Variants in GABRB3 observed in about 807,000 individuals in gnomAD.
GABRB3 encodes gamma-aminobutyric acid type A receptor subunit beta3.
A neutral mutation model predicts 52.1 loss-of-function variants in GABRB3; 14 were observed. The observed-to-expected ratio is 0.27, with a 90% CI of 0.18 to 0.42. The LOEUF (loss-of-function observed/expected upper bound fraction) is 0.42. Ranked by LOEUF, GABRB3 falls within the 10% of genes least tolerant of loss-of-function variation. The pLI is 1.00. For synonymous variants in GABRB3, 260 were observed against 232.3 expected, an observed-to-expected ratio of 1.12 and a Z score of -1.08; for missense variants, 307 against 609.1, an observed-to-expected ratio of 0.50 and a Z score of 5.22.
intron 4 of GABRB3, among the ~76,000 whole-genome samples, chr15:26,589,005 C>T (rs568832593): frequency 7.2e-5 from 11 of 152,200 alleles, no homozygotes; most frequent in Non-Finnish European, 1.2e-4. Flanking sequence ...ATTCTGGTGA[C>T]GCACTGTCTT....
chr15:26,772,346 G>C lies in GABRB3; in HGVS notation c.240+56C>G, dbSNP rs1360893929. On this transcript the variant is annotated intron_variant, in intron 3 of 8. Transcript: ENST00000311550. ...CCGGCCCAGCACTGTGGACGCCTGTGATCCCAGACAGCGGGCCGGGGGCTC... is the reference window on the plus strand; with the variant it reads ...CCGGCCCAGCACTGTGGACGCCTGTCATCCCAGACAGCGGGCCGGGGGCTC... 2.0e-6 allele frequency: 3 copies of C among 1,485,206 alleles called. No homozygotes were observed. In the African/African-American group the frequency reaches 4.2e-5, roughly 21 times the overall value. 92.0% of individuals were successfully genotyped at this position (1,485,206 alleles called of 1,614,324 possible). A position where few individuals can be genotyped will look rare whatever the true frequency, so the allele number is the denominator to read the frequency against.
chr15:26,704,534 A>G (rs1889036160), intron 3 of GABRB3, among the ~76,000 whole-genome samples: 1 of 152,168 alleles, frequency 6.6e-6, no homozygotes, highest in Non-Finnish European at 1.5e-5. Flanking sequence ...CAGGCTGAGA[A>G]TTTTGCAAAT....
intron 4 of GABRB3, among the ~76,000 whole-genome samples, chr15:26,607,589 CAAACA>C (rs71130260): frequency 0.48 from 72,865 of 150,486 alleles, 18,796 homozygotes; most frequent in Non-Finnish European, 0.59. Context: ...ACTCACCAAA[CAAACA>C]AAACAAAACA....
intron 6 of GABRB3, among the ~76,000 whole-genome samples, chr15:26,572,458 C>T (rs1890443017): frequency 6.6e-6 from 1 of 152,144 alleles, no homozygotes; most frequent in Non-Finnish European, 1.5e-5. Context: ...ACAGAGACCT[C>T]GGAATGTTAG....
At chr15:26,574,824 A>T (rs1436924555) in intron 6 of GABRB3, among the ~76,000 whole-genome samples, 1 of 152,130 alleles carries the variant, frequency 6.6e-6, no homozygotes, top group Non-Finnish European at 1.5e-5. Flanking sequence ...ATGGTTGGAC[A>T]ACTCTGCAAA....
chr15:26,736,616 C>T (rs2030901254), intron 3 of GABRB3, among the ~76,000 whole-genome samples: 1 of 152,222 alleles, frequency 6.6e-6, no homozygotes, highest in Non-Finnish European at 1.5e-5. Flanking sequence ...AGGCCCAGCT[C>T]CCGCAGGAGA....
chr15:26,770,048 G>A (rs1007000125), intron 3 of GABRB3, among the ~76,000 whole-genome samples: 2 of 152,130 alleles, frequency 1.3e-5, no homozygotes, highest in African/African-American at 2.4e-5. Context: ...CCTCTAAAAC[G>A]TGAGTCCCTA....
intron 3 of GABRB3, among the ~76,000 whole-genome samples, chr15:26,761,829 CTTAT>C (rs565059435): frequency 1.4e-4 from 21 of 152,050 alleles, no homozygotes; most frequent in East Asian, 1.2e-3. Context: ...CTCTATCCCT[CTTAT>C]TTATTTATTT....
chr15:26,759,628 C>T (rs1372413610), intron 3 of GABRB3, among the ~76,000 whole-genome samples: 3 of 152,202 alleles, frequency 2.0e-5, no homozygotes, highest in Non-Finnish European at 2.9e-5. Context: ...TAAATGCTGG[C>T]TCCTCGCCCC....
chr15:26,612,346 A>G (rs1213886394), intron 4 of GABRB3: 1 of 152,244 alleles, frequency 6.6e-6, no homozygotes, highest in Non-Finnish European at 1.5e-5. Context: ...ATCAGGATTA[A>G]CTAAACTGTT....
At chr15:26,562,594 G>A (rs1890031618) in intron 7 of GABRB3, among the ~76,000 whole-genome samples, 1 of 152,204 alleles carries the variant, frequency 6.6e-6, no homozygotes, top group Non-Finnish European at 1.5e-5. Context: ...GCCCTCCAGG[G>A]CAGAGTTTGA....
intron 6 of GABRB3, among the ~76,000 whole-genome samples, chr15:26,573,368 A>C (rs1890478706): frequency 6.6e-6 from 1 of 152,238 alleles, no homozygotes; most frequent in African/African-American, 2.4e-5. Context: ...AAGGAAATAT[A>C]AGAAATAGAA....
In GABRB3 at chr15:26,567,651, T is replaced by A; in HGVS notation, c.765A>T (p.Ile255=). Residue 255 remains isoleucine, a synonymous_variant, in exon 7 of 9, where the codon ATA becomes ATT. Transcript: ENST00000311550. ...YFILQTYMPS[I]LITILSWVSF... is the part of the protein sequence containing the mutation. ...ACACCCACGACAGAATCGTTATCAG[T>A]ATAGAGGGCATATAAGTCTGAAGAA... The A allele has an allele frequency of 6.2e-7, 1 of 1,614,156 alleles. No homozygotes were observed. Among genetic ancestry groups the A allele is most frequent in the Non-Finnish European group, 8.5e-7 (1 of 1,180,028 alleles).
chr15:26,646,732 T>C (rs540621378), intron 3 of GABRB3, among the ~76,000 whole-genome samples: 10 of 152,242 alleles, frequency 6.6e-5, no homozygotes, highest in Non-Finnish European at 1.5e-4. Flanking sequence ...TTTAAAATTA[T>C]GGTCATCCTA....
chr15:26,735,071 GAACAACAGACATA>G (rs1382149979), intron 3 of GABRB3, among the ~76,000 whole-genome samples: 8 of 152,116 alleles, frequency 5.3e-5, no homozygotes, highest in African/African-American at 1.9e-4. Flanking sequence ...TTTCAAAAAT[GAACAACAGACATA>G]AACAAGCATT....
intron 3 of GABRB3, among the ~76,000 whole-genome samples, chr15:26,729,139 T>C (rs1171662639): frequency 6.6e-6 from 1 of 152,048 alleles, no homozygotes; most frequent in African/African-American, 2.4e-5. Context: ...TCTGCTGATC[T>C]TGCAGCAGGA....
At chr15:26,554,145 TA>T (rs1889627335) in intron 8 of GABRB3, among the ~76,000 whole-genome samples, 15 of 36,572 alleles carry the variant, frequency 4.1e-4, no homozygotes, top group Non-Finnish European at 6.5e-4. Flanking sequence ...ATATATAAAG[TA>T]TATATATATA....
intron 3 of GABRB3, among the ~76,000 whole-genome samples, chr15:26,718,413 G>GGGTTGCTGA (rs1040469857): frequency 3.9e-5 from 6 of 152,026 alleles, no homozygotes; most frequent in African/African-American, 1.4e-4. Flanking sequence ...TTCTCCATGT[G>GGGTTGCTGA]GGTCAGGCTG....
At chr15:26,770,999 G>A (rs1348179771) in intron 3 of GABRB3, among the ~76,000 whole-genome samples, 1 of 152,088 alleles carries the variant, frequency 6.6e-6, no homozygotes, top group Non-Finnish European at 1.5e-5. Context: ...AATGTCCTAA[G>A]TGATATACTT....
Sources: gnomAD v4.1 joint callset for allele counts (sites outside exome capture counted in the v4.1 genomes callset) on GRCh38, gnomAD v4.1.1 for gene constraint, MANE v1.5 for transcripts, NCBI Gene and HGNC (gene_info 2026-07-23, HGNC 2026-07-21) for gene names.